SLC9A1: variants seen among roughly 807,000 people sequenced by gnomAD.
SLC9A1 encodes the protein solute carrier family 9 member A1, also known as sodium/hydrogen exchanger 1.
SLC9A1 carries 22 observed loss-of-function variants against 67.9 expected under a neutral mutation model. The observed-to-expected ratio is 0.32, with a 90% confidence interval of 0.23 to 0.46. The LOEUF (loss-of-function observed/expected upper bound fraction) is 0.46. Among genes scored for constraint, SLC9A1 ranks in the 20% least tolerant of loss-of-function variants. The pLI, the probability that SLC9A1 is intolerant of heterozygous loss-of-function variation, is 1.00. For missense variants in SLC9A1, 686 were observed against 1,094.8 expected, an observed-to-expected ratio of 0.63 and a Z score of 5.27; for synonymous variants, 421 against 471.8, an observed-to-expected ratio of 0.89 and a Z score of 1.40.
At chr1:27,128,709 G>T (rs1323661638) in intron 1 of SLC9A1, among the ~76,000 whole-genome samples, 1 of 150,664 alleles carries the variant, frequency 6.6e-6, no homozygotes, top group Non-Finnish European at 1.5e-5. Context: ...TATAATCCCA[G>T]CACTTTGAGA....
chr1:27,144,264 A>C (rs990088937), intron 1 of SLC9A1, among the ~76,000 whole-genome samples: 3 of 152,202 alleles, frequency 2.0e-5, no homozygotes, highest in Non-Finnish European at 4.4e-5. Flanking sequence ...TCCCAGGAAA[A>C]GCTTAATTCA....
chr1:27,101,135 T>C lies in SLC9A1; in HGVS notation c.2110+68A>G, dbSNP rs980975896. ...TCCCAGTGGCTGAGGACTGTTCCTG[T>C]GGAGCCCCATCCTCAGGAGGTGGCA... On this transcript the variant is annotated intron_variant, in intron 11 of 11. Transcript: ENST00000263980. The surrounding 1 kb of genome is among the most constrained non-coding windows in gnomAD (Gnocchi z 4.9). 14 of 1,227,758 alleles carry C rather than the reference T, an allele frequency of 1.1e-5. No individual in the cohort carries two copies. Among genetic ancestry groups the C allele is most frequent in the Non-Finnish European group, 1.4e-5 (12 of 848,834 alleles). 76.1% of individuals were successfully genotyped at this position (1,227,758 alleles called of 1,614,324 possible).
intron 2 of SLC9A1, among the ~76,000 whole-genome samples, chr1:27,112,964 C>T (rs1275967245): frequency 6.6e-6 from 1 of 151,252 alleles, no homozygotes; most frequent in Non-Finnish European, 1.5e-5. Context: ...AAGTGGCCAA[C>T]TTCTTTTACT....
intron 3 of SLC9A1, among the ~76,000 whole-genome samples, 174 bp from the exon 4 acceptor site, chr1:27,108,039 C>T (rs2083201849): frequency 6.6e-6 from 1 of 151,854 alleles, no homozygotes; most frequent in African/African-American, 2.4e-5. Context: ...CACATCAACC[C>T]TATAGACACG....
At chr1:27,135,702 C>A (rs1400340885) in intron 1 of SLC9A1, among the ~76,000 whole-genome samples, 2 of 152,112 alleles carry the variant, frequency 1.3e-5, no homozygotes. Context: ...AAAAAGGGAA[C>A]CAATCCAAAA....
chr1:27,102,784 C>T (rs774215101), intron 6 of SLC9A1, 41 bp from the exon 7 acceptor site: 46 of 1,575,196 alleles, frequency 2.9e-5, no homozygotes, highest in Non-Finnish European at 2.8e-5. Context: ...CGCTGTGGGG[C>T]GCCTTCCCTA....
Position 27,109,837 on chromosome 1 carries a change from GGGGTCCACCCA to G in SLC9A1, c.814-71_814-61del, listed in dbSNP as rs1328672162. 1.9e-6 allele frequency: 3 copies of G among 1,597,188 alleles called. No individual in the cohort carries two copies. The highest frequency in any genetic ancestry group is 2.6e-6 in the Non-Finnish European group (3 of 1,169,546). ...GAGGGCCCTGGCCCCACGGTTCCCT[GGGGTCCACCCA>G]GGGCAATCCTGTCCCCTCCGTTAAC... On this transcript the variant is annotated intron_variant, in intron 2 of 11. Coordinates refer to ENST00000263980, the MANE Select transcript of SLC9A1 (RefSeq NM_003047.5). The surrounding 1 kb of genome is among the most constrained non-coding windows in gnomAD (Gnocchi z 5.5).
intron 1 of SLC9A1, among the ~76,000 whole-genome samples, chr1:27,132,908 G>C (rs1440297042): frequency 6.6e-6 from 1 of 152,192 alleles, no homozygotes; most frequent in Non-Finnish European, 1.5e-5. Flanking sequence ...CCACTGCCTG[G>C]TACCTGGTAC....
At chr1:27,134,645 C>T (rs920760196) in intron 1 of SLC9A1, among the ~76,000 whole-genome samples, 32 of 152,240 alleles carry the variant, frequency 2.1e-4, no homozygotes, top group Admixed American at 1.9e-3. Context: ...CCAGACTCTC[C>T]CCTCTTGAAG....
In SLC9A1 at chr1:27,106,795, G is replaced by A. The variant is rs1045333575; in HGVS notation, c.1283-708C>T. ...TGCATGCGATTCGGCACATGCTCAC[G>A]TCACCTGTCTTGAGACAGTGCAGAG... On this transcript the variant is annotated intron_variant, in intron 4 of 11. Transcript: ENST00000263980. The surrounding 1 kb of genome is among the most constrained non-coding windows in gnomAD (Gnocchi z 4.3). 1.3e-5 allele frequency among the ~76,000 whole-genome samples: 2 copies of A among 152,008 alleles called. No homozygotes were observed. Among genetic ancestry groups the A allele is most frequent in the South Asian group, 2.1e-4 (1 of 4,834 alleles).
At chr1:27,127,907 C>T (rs995292417) in intron 1 of SLC9A1, among the ~76,000 whole-genome samples, 1 of 152,212 alleles carries the variant, frequency 6.6e-6, no homozygotes, top group Non-Finnish European at 1.5e-5. Context: ...GGGCTTCAGT[C>T]TAGACTCAGC....
chr1:27,143,309 G>A (rs2083463598), intron 1 of SLC9A1, among the ~76,000 whole-genome samples: 1 of 152,098 alleles, frequency 6.6e-6, no homozygotes, highest in South Asian at 2.1e-4. Context: ...CCTCCTTCAA[G>A]AAGCTTCCCT....
intron 1 of SLC9A1, among the ~76,000 whole-genome samples, chr1:27,121,296 A>G (rs1268405917): frequency 6.6e-6 from 1 of 152,210 alleles, no homozygotes; most frequent in Non-Finnish European, 1.5e-5. Flanking sequence ...AAACACAAGC[A>G]GCATACACTG....
intron 1 of SLC9A1, among the ~76,000 whole-genome samples, chr1:27,135,383 C>T (rs965196774): frequency 5.3e-5 from 8 of 151,920 alleles, no homozygotes; most frequent in African/African-American, 1.9e-4. Context: ...TGGTTCACAC[C>T]ACTGTAGAGA....
At chr1:27,129,612 G>A (rs2124182782) in intron 1 of SLC9A1, among the ~76,000 whole-genome samples, 1 of 152,136 alleles carries the variant, frequency 6.6e-6, no homozygotes, top group East Asian at 1.9e-4. Flanking sequence ...ACCATCCAGT[G>A]CAACCCCTCT....
chr1:27,112,543 G>A (rs558566308), intron 2 of SLC9A1, among the ~76,000 whole-genome samples: 2 of 152,320 alleles, frequency 1.3e-5, no homozygotes, highest in Non-Finnish European at 1.5e-5. Context: ...GCTACCACGT[G>A]CAGACCCTGG....
At position 27,118,809 on chromosome 1, in the gene SLC9A1, C is replaced by T. The variant is rs2083287950; in HGVS notation, c.353-4523G>A. Among the ~76,000 whole-genome samples, 1 of 152,068 alleles carries T rather than the reference C, an allele frequency of 6.6e-6. No individual in the cohort carries two copies. The highest frequency in any genetic ancestry group is 2.1e-4 in the South Asian group (1 of 4,822). ...AGACAGCCAGTGACCTGTCAATGAT[C>T]ACATGTCCAGTTCTACCCCAGCAGT... On this transcript the variant is annotated intron_variant, in intron 1 of 11. Coordinates refer to ENST00000263980, the MANE Select transcript of SLC9A1 (RefSeq NM_003047.5). The surrounding 1 kb of genome is among the most constrained non-coding windows in gnomAD (Gnocchi z 4.3).
rs6143171 is a variant in SLC9A1 at position 27,111,633 on chromosome 1, A to AAAAT, written c.814-1860_814-1857dup. Among the ~76,000 whole-genome samples the AAAAT allele has an allele frequency of 7.4e-4, 111 of 150,526 alleles. 1 individual carries two copies. The highest frequency in any genetic ancestry group is 6.8e-3 in the Middle Eastern group (2 of 294). On this transcript the variant is annotated intron_variant, in intron 2 of 11. Transcript: ENST00000263980. ...CAACATAATGAGACCCCATATCTACAAAATAAATAAATAAATAAATAAATA... is the reference window on the plus strand; with the variant it reads ...CAACATAATGAGACCCCATATCTACAAAATAAATAAATAAATAAATAAATAAATA...
chr1:27,102,256 C>G (rs1168065611), intron 8 of SLC9A1, 126 bp from the exon 9 acceptor site: 1 of 1,339,318 alleles, frequency 7.5e-7, no homozygotes, highest in African/African-American at 1.4e-5. Context: ...GTCCTTGGTG[C>G]GAGCCCACAG....
Sources: allele counts gnomAD v4.1 joint callset (sites outside exome capture counted in the v4.1 genomes callset), GRCh38; gene constraint gnomAD v4.1.1; non-coding constraint Gnocchi (gnomAD v3.1); transcripts MANE v1.5; gene names NCBI Gene and HGNC (gene_info 2026-07-23, HGNC 2026-07-21).